The following TTLL11 variants were observed in gnomAD, a reference collection of about 807,000 sequenced individuals.
The protein encoded by TTLL11 is tubulin polyglutamylase TTLL11.
In TTLL11, 42 loss-of-function variants were observed where a neutral mutation model predicts 51.7. The ratio of observed to expected loss-of-function variants is 0.81; its 90% CI spans 0.64 to 1.05. The LOEUF (loss-of-function observed/expected upper bound fraction) is 1.05. TTLL11 is among the 50% of genes least tolerant of loss of function. TTLL11 has a pLI of 0.00. For missense variants in TTLL11, 799 were observed against 940.4 expected (o/e 0.85, Z 1.97); for synonymous variants, 381 against 383.5 (o/e 0.99, Z 0.08).
intron 6 of TTLL11, among the ~76,000 whole-genome samples, chr9:121,915,980 GACACACACATACACACACACAC>G (rs930078208): frequency 5.1e-5 from 5 of 98,624 alleles, no homozygotes; most frequent in Admixed American, 2.7e-4. Context: ...TATAGACAAA[GACACACACATACACACACACAC>G]ACACACACAC....
intron 6 of TTLL11, among the ~76,000 whole-genome samples, chr9:121,916,092 C>T (rs9409241): frequency 0.53 from 80,327 of 151,560 alleles, 25,354 homozygotes; most frequent in Non-Finnish European, 0.7. Flanking sequence ...AACTTAAGTC[C>T]TCATCATCAG....
chr9:122,000,588 A>C (rs535818300), intron 3 of TTLL11, among the ~76,000 whole-genome samples: 1 of 151,532 alleles, frequency 6.6e-6, no homozygotes, highest in Non-Finnish European at 1.5e-5. Context: ...GGTCATCCTC[A>C]CTGCTACACT....
chr9:121,951,597 G>T (rs1006138492), intron 6 of TTLL11, among the ~76,000 whole-genome samples: 1 of 152,144 alleles, frequency 6.6e-6, no homozygotes, highest in Non-Finnish European at 1.5e-5. Context: ...CACAGTGACT[G>T]ATTATTATCT....
At chr9:121,875,807 T>A (rs186539636) in intron 6 of TTLL11, among the ~76,000 whole-genome samples, 3,562 of 152,322 alleles carry the variant, frequency 0.023, 122 homozygotes, top group African/African-American at 0.08. Flanking sequence ...ATAATTTTTT[T>A]AAAACTGAAT....
chr9:121,848,989 C>T (rs748248263), intron 8 of TTLL11, among the ~76,000 whole-genome samples: 3 of 152,218 alleles, frequency 2.0e-5, no homozygotes, highest in African/African-American at 7.2e-5. Context: ...CACTGCTCAA[C>T]TCCAAAATTT....
At chr9:121,898,820 C>T (rs1010152095) in intron 6 of TTLL11, among the ~76,000 whole-genome samples, 65 of 152,198 alleles carry the variant, frequency 4.3e-4, no homozygotes, top group African/African-American at 1.4e-3. Flanking sequence ...TTAGACTTCA[C>T]GCAACACATC....
chr9:122,036,185 C>T (rs1039984474), intron 2 of TTLL11, among the ~76,000 whole-genome samples: 2 of 152,080 alleles, frequency 1.3e-5, no homozygotes, highest in Admixed American at 1.3e-4. Flanking sequence ...TCTTTACATG[C>T]CTTTCTCTGT....
At chr9:121,850,852 A>G (rs1044237839) in intron 8 of TTLL11, among the ~76,000 whole-genome samples, 9 of 152,264 alleles carry the variant, frequency 5.9e-5, no homozygotes, top group Admixed American at 3.3e-4. Context: ...TAATTGCCCA[A>G]TCGTGCTACA....
intron 8 of TTLL11, among the ~76,000 whole-genome samples, chr9:121,831,884 A>G (rs1837027855): frequency 6.6e-6 from 1 of 152,100 alleles, no homozygotes; most frequent in Non-Finnish European, 1.5e-5. Flanking sequence ...CTTAAACAAC[A>G]GAAATTTACT....
intron 1 of TTLL11, among the ~76,000 whole-genome samples, chr9:122,075,076 A>G (rs1400930486): frequency 2.6e-5 from 4 of 152,214 alleles, no homozygotes; most frequent in Non-Finnish European, 5.9e-5. Context: ...CTGTGGCAGA[A>G]TATTTTTGAA....
intron 3 of TTLL11, among the ~76,000 whole-genome samples, chr9:122,005,233 G>A (rs1428266264): frequency 1.3e-5 from 2 of 152,160 alleles, no homozygotes; most frequent in Non-Finnish European, 2.9e-5. Flanking sequence ...ACTCGGCGGG[G>A]GAGTGGCCTG....
intron 6 of TTLL11, among the ~76,000 whole-genome samples, chr9:121,921,083 T>A (rs1840523473): frequency 1.3e-5 from 2 of 152,244 alleles, no homozygotes; most frequent in Admixed American, 1.3e-4. Flanking sequence ...AGAGGTGAAT[T>A]TTTTAGTCAT....
At chr9:121,884,277 C>T (rs1057452223) in intron 6 of TTLL11, among the ~76,000 whole-genome samples, 1 of 152,190 alleles carries the variant, frequency 6.6e-6, no homozygotes, top group Non-Finnish European at 1.5e-5. Flanking sequence ...AATTATTACC[C>T]CACTTGACCG....
At chr9:121,859,940 C>T (rs569525443) in intron 8 of TTLL11, among the ~76,000 whole-genome samples, 1 of 152,368 alleles carries the variant, frequency 6.6e-6, no homozygotes, top group East Asian at 1.9e-4. Context: ...AGGCATCCTA[C>T]TACCTAGCAT....
At chr9:122,081,273 G>A (rs1189719723) in intron 1 of TTLL11, among the ~76,000 whole-genome samples, 2 of 152,240 alleles carry the variant, frequency 1.3e-5, no homozygotes, top group Admixed American at 1.3e-4. Context: ...AGCCAGGAGA[G>A]CCAGCCTCTA....
chr9:121,905,797 CA>C (rs903102395), intron 6 of TTLL11, among the ~76,000 whole-genome samples: 1 of 151,988 alleles, frequency 6.6e-6, no homozygotes, highest in Non-Finnish European at 1.5e-5. Context: ...CCTATTTGTG[CA>C]AAAAAATCTT....
chr9:121,817,847 T>C lies in TTLL11; in HGVS notation c.*4740A>G, dbSNP rs3923739. The C allele has an allele frequency of 0.39, 59,875 of 152,190 alleles. 12,630 individuals carry two copies. Among genetic ancestry groups the C allele is most frequent in the African/African-American group, 0.55 (22,723 of 41,496 alleles). 9.4% of individuals were successfully genotyped at this position (152,190 alleles called of 1,614,324 possible). A position where few individuals can be genotyped will look rare whatever the true frequency, so the allele number is the denominator to read the frequency against. ...CTAAGCCTCCTGGAAGCCACTTCCC[T>C]GCCTGGGAAAACAGAGTGCCAGTGA... On this transcript the variant is annotated 3_prime_UTR_variant, in exon 9 of 9. Coordinates refer to ENST00000321582, the MANE Select transcript of TTLL11 (RefSeq NM_001139442.2).
intron 1 of TTLL11, chr9:122,040,402 A>G: frequency 1.0e-6 from 1 of 985,258 alleles, no homozygotes; most frequent in Non-Finnish European, 1.2e-6. Context: ...TCTTTCCACT[A>G]CATCCTGTTG....
At chr9:122,012,678 G>GCGCGCA (rs577271170) in intron 3 of TTLL11, among the ~76,000 whole-genome samples, 3 of 142,554 alleles carry the variant, frequency 2.1e-5, no homozygotes, top group African/African-American at 7.7e-5. Context: ...ACACACACAC[G>GCGCGCA]CACACACACA....
Sources: allele counts gnomAD v4.1 joint callset (sites outside exome capture counted in the v4.1 genomes callset), GRCh38; gene constraint gnomAD v4.1.1; transcripts MANE v1.5; gene names NCBI Gene and HGNC (gene_info 2026-07-23, HGNC 2026-07-21).